CCDC30: variants seen among roughly 807,000 people sequenced by gnomAD.
CCDC30 encodes the protein coiled-coil domain containing 30.
A neutral mutation model predicts 100.2 loss-of-function variants in CCDC30; 70 were observed. The observed-to-expected ratio is 0.70, with a 90% CI of 0.58 to 0.85. The LOEUF is 0.85. Among genes scored for constraint, CCDC30 ranks in the 40% least tolerant of loss-of-function variants. CCDC30 has a pLI of 0.00. For synonymous variants in CCDC30, 233 were observed against 269.5 expected (o/e 0.86, Z 1.33); for missense variants, 652 against 771.2 (o/e 0.85, Z 1.83).
intron 6 of CCDC30, among the ~76,000 whole-genome samples, chr1:42,506,924 A>G (rs1434359951): frequency 1.3e-5 from 2 of 152,134 alleles, no homozygotes; most frequent in Non-Finnish European, 2.9e-5. Context: ...GCATTGGTTT[A>G]ATGTTAACCC....
intron 6 of CCDC30, among the ~76,000 whole-genome samples, chr1:42,563,549 A>G (rs1437424012): frequency 6.6e-6 from 1 of 152,176 alleles, no homozygotes; most frequent in Non-Finnish European, 1.5e-5. Context: ...AAACCTGCAC[A>G]TTCTGACTAT....
intron 8 of CCDC30, among the ~76,000 whole-genome samples, chr1:42,580,105 G>C (rs539807076): frequency 1.5e-4 from 23 of 152,298 alleles, no homozygotes; most frequent in African/African-American, 5.3e-4. Context: ...TTGTGTGGCA[G>C]GTTCAAAAGT....
At chr1:42,585,977 T>C (rs1486385520) in intron 9 of CCDC30, among the ~76,000 whole-genome samples, 3 of 152,246 alleles carry the variant, frequency 2.0e-5, no homozygotes, top group African/African-American at 7.2e-5. Context: ...AATAAATATC[T>C]CTATACATAA....
At chr1:42,490,194 A>G in exon 4 of CCDC30, 2 of 1,211,676 alleles carry the variant, frequency 1.7e-6, no homozygotes, top group Non-Finnish European at 2.1e-6. Context: ...GAAATTGACA[A>G]ATTGAAGGAA....
chr1:42,514,212 A>T (rs1388258626), intron 6 of CCDC30, among the ~76,000 whole-genome samples: 1 of 152,172 alleles, frequency 6.6e-6, no homozygotes. Flanking sequence ...ATGTTCATTT[A>T]TAAGTTTTTG....
intron 6 of CCDC30, among the ~76,000 whole-genome samples, chr1:42,510,339 C>T (rs1017835374): frequency 1.3e-5 from 2 of 152,038 alleles, no homozygotes; most frequent in Admixed American, 1.3e-4. Flanking sequence ...GCATAATATC[C>T]CTTTGTGAGA....
intron 7 of CCDC30, 96 bp from the exon 12 acceptor site, chr1:42,576,924 G>T: frequency 2.3e-6 from 2 of 854,366 alleles, no homozygotes; most frequent in South Asian, 1.8e-5. Context: ...GTATTTGTTG[G>T]CTTTTAGGGG....
intron 6 of CCDC30, among the ~76,000 whole-genome samples, chr1:42,526,175 C>G (rs1478936020): frequency 1.3e-5 from 2 of 152,258 alleles, no homozygotes; most frequent in East Asian, 3.9e-4. Flanking sequence ...AGGCAGAAAT[C>G]CCTGGCAGTT....
intron 1 of CCDC30, among the ~76,000 whole-genome samples, chr1:42,476,933 A>C (rs1245231364): frequency 7.1e-6 from 1 of 141,510 alleles, no homozygotes; most frequent in African/African-American, 2.6e-5. Context: ...AAATTGAGTT[A>C]ATTATAGGAC....
chr1:42,656,620 A>G (rs905864351), downstream of CCDC30, among the ~76,000 whole-genome samples: 1 of 152,082 alleles, frequency 6.6e-6, no homozygotes, highest in Admixed American at 6.6e-5. Flanking sequence ...AAAAAGTGAG[A>G]CTCTGTCTCA....
chr1:42,589,204 A>C, intron 9 of CCDC30, 117 bp from the exon 14 acceptor site: 6 of 693,798 alleles, frequency 8.6e-6, no homozygotes, highest in African/African-American at 1.8e-5. Flanking sequence ...TTATAGACAC[A>C]TACCCTACTT....
intron 11 of CCDC30, among the ~76,000 whole-genome samples, chr1:42,632,545 C>A (rs961186297): frequency 6.6e-6 from 1 of 151,896 alleles, no homozygotes; most frequent in Non-Finnish European, 1.5e-5. Flanking sequence ...GGGCGGATCA[C>A]CTGAGGTCAG....
At chr1:42,468,074 A>G (rs187462355) in intron 1 of CCDC30, among the ~76,000 whole-genome samples, 7 of 152,320 alleles carry the variant, frequency 4.6e-5, no homozygotes, top group Admixed American at 4.6e-4. Context: ...GTGTAGCCAC[A>G]TTTAGTTTCC....
rs935724312 is a variant in CCDC30 at position 42,475,007 on chromosome 1, A to AT, written c.-91-5447dup. Among the ~76,000 whole-genome samples, 15 of 152,226 alleles carry AT rather than the reference A, an allele frequency of 9.9e-5. 1 individual carries two copies. Among genetic ancestry groups the AT allele is most frequent in the African/African-American group, 3.4e-4 (14 of 41,546 alleles). ...CAGTATAAACCTAATTATTATGTAG[A>AT]TTTTTTTCTGTTCATGGATATCATG... On this transcript the variant is annotated intron_variant, in intron 1 of 16. Coordinates refer to ENST00000668663, the Ensembl canonical transcript of CCDC30.
intron 6 of CCDC30, chr1:42,510,136 G>T (rs1644454310): frequency 1.0e-6 from 1 of 984,724 alleles, no homozygotes; most frequent in African/African-American, 1.7e-5. Flanking sequence ...GCATTTGAGG[G>T]TTTCAATTAG....
chr1:42,510,160 T>C, intron 6 of CCDC30: 1 of 956,178 alleles, frequency 1.0e-6, no homozygotes, highest in South Asian at 4.8e-5. Context: ...TGTCAATAAG[T>C]ACTGCCTCTC....
chr1:42,620,007 C>T (rs1646800354), intron 11 of CCDC30, among the ~76,000 whole-genome samples: 1 of 152,186 alleles, frequency 6.6e-6, no homozygotes, highest in African/African-American at 2.4e-5. Context: ...CTGCTTTGTT[C>T]TTCCAATCCC....
rs1489539377 is a variant in CCDC30 at position 42,542,299 on chromosome 1, G to GTCAC, written c.457-23996_457-23993dup. On this transcript the variant is annotated intron_variant, in intron 6 of 16. Coordinates refer to ENST00000668663, the Ensembl canonical transcript of CCDC30. ...TACCTAGAAAATGCTTTGTGTTAGT[G>GTCAC]TCACCATCCTTTGCAGAAACCCTCA... Among the ~76,000 whole-genome samples, 6 of 152,208 alleles carry GTCAC rather than the reference G, an allele frequency of 3.9e-5. No homozygotes were observed. The South Asian group carries it at 8.3e-4, about 21-fold the overall frequency.
chr1:42,569,299 A>T (rs1181149890), intron 7 of CCDC30, among the ~76,000 whole-genome samples: 1 of 152,194 alleles, frequency 6.6e-6, no homozygotes, highest in Admixed American at 6.5e-5. Context: ...AAACAACCCC[A>T]TCAAAAAGTG....
Sources: gnomAD v4.1 joint callset for allele counts (sites outside exome capture counted in the v4.1 genomes callset) on GRCh38, gnomAD v4.1.1 for gene constraint, MANE v1.5 for transcripts, NCBI Gene and HGNC (gene_info 2026-07-23, HGNC 2026-07-21) for gene names.